CD5: variants seen among roughly 807,000 people sequenced by gnomAD.
The protein encoded by CD5 is CD5 molecule, also known as T-cell surface glycoprotein CD5.
A neutral mutation model predicts 60.3 loss-of-function variants in CD5; 36 were observed. The observed-to-expected ratio is 0.60, with a 90% confidence interval of 0.46 to 0.79. CD5 has a LOEUF of 0.79. Ranked by LOEUF, CD5 falls within the 30% of genes least tolerant of loss-of-function variation. CD5 has a pLI of 0.00. For missense variants in CD5, 540 were observed against 630.6 expected (o/e 0.86, Z 1.54); for synonymous variants, 230 against 257.6 (o/e 0.89, Z 1.03).
chr11:61,099,439 C>T (rs1392501782), upstream of CD5, among the ~76,000 whole-genome samples: 1 of 105,042 alleles, frequency 9.5e-6, no homozygotes. Context: ...ATCACACACA[C>T]ACATCAACAT....
At chr11:61,119,673 G>A in intron 5 of CD5, 98 bp downstream of exon 5, 1 of 822,780 alleles carries the variant, frequency 1.2e-6, no homozygotes, top group Non-Finnish European at 1.9e-6. Flanking sequence ...GCAGCACAGG[G>A]CACTATGGAG....
chr11:61,097,048 G>A, the CD5 span, among the ~76,000 whole-genome samples: 3 of 152,188 alleles, frequency 2.0e-5, no homozygotes, highest in African/African-American at 7.2e-5. Flanking sequence ...TTGGTCCGAG[G>A]AGAAGTTTAC....
At chr11:61,113,959 C>T (rs1488220233) in intron 1 of CD5, among the ~76,000 whole-genome samples, 2 of 152,252 alleles carry the variant, frequency 1.3e-5, no homozygotes, top group African/African-American at 4.8e-5. Context: ...CATGGGCCAC[C>T]GTGCCCGGCC....
chr11:61,126,696 T>C lies in CD5; in HGVS notation c.*411T>C, dbSNP rs1861153132. ...ATTTTGAATAGTTTTTTGTAAGTAG[T>C]GCTTTTCCTCCTTCCTGACAAATCG... is the stretch of plus-strand genomic sequence containing the variant. On this transcript the variant is annotated 3_prime_UTR_variant, in exon 11 of 11. Transcript: ENST00000347785. 6.6e-6 allele frequency: 1 copy of C among 152,310 alleles called. No homozygotes were observed. Among genetic ancestry groups the C allele is most frequent in the Non-Finnish European group, 1.5e-5 (1 of 68,140 alleles). 9.4% of individuals were successfully genotyped at this position (152,310 alleles called of 1,614,324 possible).
At chr11:61,106,370 G>A (rs572826199) in intron 1 of CD5, among the ~76,000 whole-genome samples, 2 of 152,234 alleles carry the variant, frequency 1.3e-5, no homozygotes, top group African/African-American at 2.4e-5. Context: ...CAGGCAGAGC[G>A]GATGGCAGGG....
At chr11:61,094,175 T>A in the CD5 span, among the ~76,000 whole-genome samples, 2 of 151,710 alleles carry the variant, frequency 1.3e-5, no homozygotes, top group African/African-American at 4.8e-5. Context: ...GCGACACGGA[T>A]CCTCAGAGCG....
In CD5 at chr11:61,123,913, G is replaced by C; in HGVS notation, c.1255G>C (p.Gly419Arg). Residue 419 changes from glycine to arginine, a missense_variant, in exon 8 of 11, where the codon GGC becomes CGC. By Grantham distance (125) the Gly-to-Arg change is moderately radical. Coordinates refer to ENST00000347785, the MANE Select transcript of CD5 (RefSeq NM_014207.4). ...CCAGAAGAAGCAGCGCCAGTGGATT[G>C]GCCCAACGGGAATGAACCAAAACAG... Reference protein sequence around the residue: ...FRQKKQRQWIGPTGMNQNMSF... With the variant: ...FRQKKQRQWIRPTGMNQNMSF... 6.3e-7 allele frequency: 1 copy of C among 1,592,970 alleles called. No homozygotes were observed. Among genetic ancestry groups the C allele is most frequent in the Non-Finnish European group, 8.6e-7 (1 of 1,167,358 alleles).
rs372665600 is a variant in CD5, at chr11:61,121,768, T to C, written c.963T>C (p.Cys321=). 2.0e-5 allele frequency: 32 copies of C among 1,612,054 alleles called. No individual in the cohort carries two copies. The highest frequency in any genetic ancestry group is 2.6e-5 in the Non-Finnish European group (31 of 1,178,690). Residue 321 remains cysteine, a synonymous_variant, in exon 6 of 11, where the codon TGT becomes TGC. Transcript: ENST00000347785. ...RWEEVCREQQ[C]GSVNSYRVLD... is the part of the protein sequence containing the mutation. ...AGGAGGTGTGCCGGGAGCAGCAGTG[T>C]GGCAGCGTCAACTCCTATCGAGTGC...
rs796502858 is a variant in CD5, at chr11:61,120,053, CAA to C, written c.805+480_805+481del. ...GGCCCGGGAGTCAGAGGACAGCAGG[CAA>C]AGAGAGAAACAGAGACAGCCCCCAA... On this transcript the variant is annotated intron_variant, in intron 5 of 10. Coordinates refer to ENST00000347785, the MANE Select transcript of CD5 (RefSeq NM_014207.4). 1.2e-4 allele frequency among the ~76,000 whole-genome samples: 19 copies of C among 152,102 alleles called. 1 individual carries two copies. Among genetic ancestry groups the C allele is most frequent in the African/African-American group, 4.3e-4 (18 of 41,486 alleles).
intron 1 of CD5, among the ~76,000 whole-genome samples, chr11:61,110,065 G>C (rs1193029735): frequency 6.6e-6 from 1 of 152,166 alleles, no homozygotes; most frequent in East Asian, 1.9e-4. Flanking sequence ...GAGGGGGTCA[G>C]GGAGACCCTG....
At chr11:61,112,815 A>T (rs1055894128) in intron 1 of CD5, among the ~76,000 whole-genome samples, 2 of 152,194 alleles carry the variant, frequency 1.3e-5, no homozygotes, top group African/African-American at 4.8e-5. Context: ...GAAACTTATC[A>T]CATGGCCATG....
At chr11:61,101,742 A>G (rs2134589021), upstream of CD5, among the ~76,000 whole-genome samples, 4 of 151,790 alleles carry the variant, frequency 2.6e-5, 1 homozygote, top group Middle Eastern at 6.8e-3. Context: ...ACACGTCAAC[A>G]TGGAGATTAC....
intron 1 of CD5, among the ~76,000 whole-genome samples, chr11:61,114,768 T>C (rs1187118594): frequency 3.3e-5 from 5 of 152,324 alleles, no homozygotes; most frequent in African/African-American, 9.6e-5. Flanking sequence ...CATCTATATA[T>C]GTGACATTCA....
the CD5 span, among the ~76,000 whole-genome samples, chr11:61,096,316 C>G: frequency 2.0e-5 from 3 of 152,200 alleles, no homozygotes; most frequent in African/African-American, 7.2e-5. Flanking sequence ...TTCAATCTGG[C>G]TGAAGGGCTA....
upstream of CD5, among the ~76,000 whole-genome samples, chr11:61,098,111 T>C (rs1316431274): frequency 6.6e-6 from 1 of 152,200 alleles, no homozygotes. Flanking sequence ...GGCATGAATT[T>C]GATCCTGGGG....
chr11:61,105,598 G>A (rs1860765790), intron 1 of CD5, among the ~76,000 whole-genome samples: 1 of 152,194 alleles, frequency 6.6e-6, no homozygotes, highest in Admixed American at 6.5e-5. Flanking sequence ...AGGAGCCAAT[G>A]GGGAGGAGGG....
At chr11:61,126,070 A>C (rs1368442081) in intron 10 of CD5, among the ~76,000 whole-genome samples, 1 of 152,252 alleles carries the variant, frequency 6.6e-6, no homozygotes, top group African/African-American at 2.4e-5. Flanking sequence ...ATCAACTCTT[A>C]AACTCCATTC....
At chr11:61,108,153 G>A (rs1269279793) in intron 1 of CD5, among the ~76,000 whole-genome samples, 2 of 152,254 alleles carry the variant, frequency 1.3e-5, no homozygotes, top group Non-Finnish European at 2.9e-5. Context: ...AACAAGTCTA[G>A]TGCATGAGAG....
intron 9 of CD5, 30 bp downstream of exon 9, chr11:61,125,181 C>T (rs199710662): frequency 1.2e-6 from 2 of 1,613,174 alleles, no homozygotes; most frequent in Non-Finnish European, 1.7e-6. Flanking sequence ...CCCAGGCACG[C>T]AGGCAGGGCT....
Sources: gnomAD v4.1 joint callset for allele counts (sites outside exome capture counted in the v4.1 genomes callset) on GRCh38, gnomAD v4.1.1 for gene constraint, MANE v1.5 for transcripts, NCBI Gene and HGNC (gene_info 2026-07-23, HGNC 2026-07-21) for gene names.